DMD: variants seen among roughly 807,000 people sequenced by gnomAD.
The protein encoded by DMD is dystrophin.
DMD carries 63 observed loss-of-function variants against 330.1 expected under a neutral mutation model. The observed-to-expected ratio is 0.19, with a 90% CI of 0.16 to 0.24. The LOEUF is 0.24. Ranked by LOEUF, DMD falls within the 10% of genes least tolerant of loss-of-function variation. The pLI is 1.00. For missense variants in DMD, 3,344 were observed against 2,684.1 expected (o/e 1.25, Z -5.43); for synonymous variants, 1,223 against 959.8 (o/e 1.27, Z -5.07).
intron 4 of DMD, among the ~76,000 whole-genome samples, chrX:32,838,317 T>C (rs971600879): frequency 1.8e-5 from 2 of 111,143 alleles, no homozygotes; most frequent in Non-Finnish European, 3.8e-5. Flanking sequence ...TACATAGTTA[T>C]ACACCTGCGA....
intron 47 of DMD, among the ~76,000 whole-genome samples, chrX:31,884,712 T>A (rs2094126084): frequency 8.9e-6 from 1 of 112,135 alleles, no homozygotes; most frequent in Admixed American, 9.4e-5. Flanking sequence ...CATTCCGCAA[T>A]GTTTATTTCA....
chrX:32,225,159 G>A (rs1302337509), intron 43 of DMD, among the ~76,000 whole-genome samples: 4 of 111,988 alleles, frequency 3.6e-5, no homozygotes, highest in Non-Finnish European at 5.6e-5. Flanking sequence ...ATCTACAGCA[G>A]GTATTGGCAA....
At chrX:32,639,075 T>C (rs771130473) in intron 11 of DMD, among the ~76,000 whole-genome samples, 1 of 112,026 alleles carries the variant, frequency 8.9e-6, no homozygotes, top group South Asian at 3.7e-4. Flanking sequence ...CCTGACTTGC[T>C]TTCATTTTTT....
intron 60 of DMD, among the ~76,000 whole-genome samples, chrX:31,438,334 T>C (rs771221388): frequency 8.9e-6 from 1 of 111,739 alleles, no homozygotes; most frequent in Admixed American, 9.6e-5. Flanking sequence ...GTTATCAAAG[T>C]GTGGTCCATG....
intron 2 of DMD, among the ~76,000 whole-genome samples, chrX:33,002,128 G>A (rs2093294357): frequency 9.0e-6 from 1 of 110,711 alleles, no homozygotes; most frequent in Non-Finnish European, 1.9e-5. Flanking sequence ...GTTGATCCCA[G>A]CACCTAGATA....
At chrX:32,946,262 G>A (rs994465794) in intron 2 of DMD, among the ~76,000 whole-genome samples, 3 of 110,789 alleles carry the variant, frequency 2.7e-5, no homozygotes, top group African/African-American at 6.6e-5. Flanking sequence ...AAGTTTTCAT[G>A]TGTATTTTCC....
At chrX:32,202,078 G>C (rs2097042441) in intron 44 of DMD, among the ~76,000 whole-genome samples, 1 of 111,509 alleles carries the variant, frequency 9.0e-6, no homozygotes, top group South Asian at 3.8e-4. Context: ...TTGTCACACA[G>C]TAGGTCAACA....
intron 1 of DMD, among the ~76,000 whole-genome samples, chrX:33,033,894 G>A (rs193150095): frequency 0.01 from 1,127 of 111,632 alleles, 37 homozygotes; most frequent in East Asian, 0.067. Flanking sequence ...TTTCTGTTTC[G>A]AAAAACAGCA....
At chrX:31,792,147 A>G (rs1158303738) in intron 50 of DMD, among the ~76,000 whole-genome samples, 1 of 111,818 alleles carries the variant, frequency 8.9e-6, no homozygotes, top group Non-Finnish European at 1.9e-5. Flanking sequence ...ACATGTTAGA[A>G]CCACCCAATT....
chrX:32,712,884 A>T (rs1314399916), intron 7 of DMD, among the ~76,000 whole-genome samples: 1 of 111,634 alleles, frequency 9.0e-6, no homozygotes, highest in African/African-American at 3.3e-5. Context: ...ATTGTAATAA[A>T]GTATTTAAAT....
chrX:31,339,408 T>C (rs2692981), intron 61 of DMD, among the ~76,000 whole-genome samples: 6,494 of 111,372 alleles, frequency 0.058, 155 homozygotes, highest in African/African-American at 0.07. Context: ...GTAGGTCACA[T>C]GGCATTTGTC....
intron 2 of DMD, among the ~76,000 whole-genome samples, chrX:32,976,841 T>C (rs2092565671): frequency 8.9e-6 from 1 of 111,756 alleles, no homozygotes; most frequent in African/African-American, 3.3e-5. Context: ...ACAAGGTAAT[T>C]GTTTTAGAAT....
chrX:31,210,638 G>A lies in DMD; in HGVS notation c.9362-939C>T, dbSNP rs73617055. On this transcript the variant is annotated intron_variant, in intron 64 of 78. Coordinates refer to ENST00000357033, the MANE Select transcript of DMD (RefSeq NM_004006.3). ...TGGTTGGAATTCTCAGTCCTTTGAG[G>A]CAAGGAATCAATGCTAATTAAGTAA... is the stretch of plus-strand genomic sequence containing the variant. Among the ~76,000 whole-genome samples the A allele has an allele frequency of 0.086, 9,634 of 111,672 alleles. 350 individuals are homozygous for A. Among genetic ancestry groups the A allele is most frequent in the Admixed American group, 0.15 (1,615 of 10,475 alleles).
rs150145214 is a variant in DMD at position 32,766,712 on chromosome X, G to A, written c.649+42781C>T. Among the ~76,000 whole-genome samples the A allele has an allele frequency of 8.3e-3, 918 of 111,203 alleles. 4 individuals are homozygous for A. The highest frequency in any genetic ancestry group is 0.029 in the African/African-American group (881 of 30,703). ...ATGAAAATTTGAAATGCATTGCACAGCATGAATATAGTTAATAGAGTATTG... is the reference window on the plus strand; with the variant it reads ...ATGAAAATTTGAAATGCATTGCACAACATGAATATAGTTAATAGAGTATTG... On this transcript the variant is annotated intron_variant, in intron 7 of 78. Transcript: ENST00000357033.
In DMD at chrX:32,567,296, G is replaced by C. The variant is rs2051841888; in HGVS notation, c.1813-1415C>G. Among the ~76,000 whole-genome samples the C allele has an allele frequency of 3.6e-5, 4 of 112,479 alleles. No individual in the cohort carries two copies. In the South Asian group the frequency reaches 1.5e-3, roughly 41 times the overall value. On this transcript the variant is annotated intron_variant, in intron 15 of 78. Coordinates refer to ENST00000357033, the MANE Select transcript of DMD (RefSeq NM_004006.3). Reference sequence around the variant, plus strand: ...AACAATAAGTTCAGTATTTTTCTAAGTTTGAAAGAATGCAATAGACCAAAA... The same window carrying C: ...AACAATAAGTTCAGTATTTTTCTAACTTTGAAAGAATGCAATAGACCAAAA...
intron 16 of DMD, among the ~76,000 whole-genome samples, chrX:32,554,495 G>A (rs763578846): frequency 9.0e-6 from 1 of 110,747 alleles, no homozygotes. Context: ...ACACCTCTAT[G>A]CACATAAACT....
At chrX:32,804,842 G>A (rs1205441184) in intron 7 of DMD, among the ~76,000 whole-genome samples, 4 of 112,260 alleles carry the variant, frequency 3.6e-5, no homozygotes, top group Admixed American at 2.8e-4. Context: ...AGGGTCTAGA[G>A]TGGACCTCCA....
chrX:32,890,781 A>G (rs1460966725), intron 2 of DMD, among the ~76,000 whole-genome samples: 1 of 111,903 alleles, frequency 8.9e-6, no homozygotes, highest in Admixed American at 9.5e-5. Flanking sequence ...TGGGACTAGC[A>G]TAACTGAGGA....
intron 47 of DMD, among the ~76,000 whole-genome samples, chrX:31,916,116 A>G (rs1878199534): frequency 8.9e-6 from 1 of 111,757 alleles, no homozygotes; most frequent in African/African-American, 3.3e-5. Flanking sequence ...TTGCCGAAGG[A>G]TGAGAGACCA....
Sources: gnomAD v4.1 joint callset for allele counts (sites outside exome capture counted in the v4.1 genomes callset) on GRCh38, gnomAD v4.1.1 for gene constraint, MANE v1.5 for transcripts, NCBI Gene and HGNC (gene_info 2026-07-23, HGNC 2026-07-21) for gene names.